The following LNPK variants were observed in gnomAD, a reference collection of about 807,000 sequenced individuals.
LNPK encodes the protein endoplasmic reticulum junction formation protein lunapark.
A neutral mutation model predicts 55.2 loss-of-function variants in LNPK; 29 were observed. The ratio of observed to expected loss-of-function variants is 0.53; its 90% CI spans 0.39 to 0.72. The LOEUF is 0.72. LNPK is among the 30% of genes least tolerant of loss of function. The pLI, the probability that LNPK is intolerant of heterozygous loss-of-function variation, is 0.00. For missense variants in LNPK, 467 were observed against 494.8 expected (o/e 0.94, Z 0.53); for synonymous variants, 162 against 168.2 (o/e 0.96, Z 0.29).
intron 2 of LNPK, among the ~76,000 whole-genome samples, chr2:175,993,799 A>T: frequency 6.6e-6 from 1 of 152,144 alleles, no homozygotes; most frequent in East Asian, 1.9e-4. Flanking sequence ...TCTCAAAAAA[A>T]AAATTAAATT....
chr2:175,966,558 T>C (rs1037805197), intron 6 of LNPK, among the ~76,000 whole-genome samples: 8 of 152,248 alleles, frequency 5.3e-5, no homozygotes, highest in African/African-American at 1.9e-4. Flanking sequence ...AGTATTCAAG[T>C]GTATCTATGT....
chr2:175,925,680 T>TTTTTG lies in LNPK; in HGVS notation c.*4286_*4287insCAAAA, dbSNP rs1157498725. 2 of 155,686 alleles carry TTTTTG rather than the reference T, an allele frequency of 1.3e-5. No individual in the cohort carries two copies. The highest frequency in any genetic ancestry group is 6.5e-5 in the Admixed American group (1 of 15,280). The allele number at this position is 155,686 out of a possible 1,614,324, so 9.6% of individuals were successfully genotyped here. A position where few individuals can be genotyped will look rare whatever the true frequency, so the allele number is the denominator to read the frequency against. On this transcript the variant is annotated 3_prime_UTR_variant, in exon 13 of 13. Coordinates refer to ENST00000272748, the MANE Select transcript of LNPK (RefSeq NM_030650.3). ...CATTTTCTTTCTTTCTTTTTTTTTT[T>TTTTTG]TGAGATGGAGTTTCACTCTTGTTGC...
chr2:175,933,734 T>TTG (rs1559023708), intron 12 of LNPK, among the ~76,000 whole-genome samples: 1 of 147,092 alleles, frequency 6.8e-6, no homozygotes, highest in Non-Finnish European at 1.5e-5. Flanking sequence ...GTTAAGGGTT[T>TTG]TTTTTTTTTT....
chr2:175,929,125 C>T lies in LNPK; in HGVS notation c.*842G>A, dbSNP rs549549377. The T allele has an allele frequency of 1.0e-6, 1 of 984,390 alleles. No homozygotes were observed. Among genetic ancestry groups the T allele is most frequent in the African/African-American group, 1.8e-5 (1 of 57,078 alleles). 61.0% of individuals were successfully genotyped at this position (984,390 alleles called of 1,614,324 possible). On this transcript the variant is annotated 3_prime_UTR_variant, in exon 13 of 13. Coordinates refer to ENST00000272748, the MANE Select transcript of LNPK (RefSeq NM_030650.3). ...GATATTTAGCAAAATGAAACTGATG[C>T]CAGATTATTTTCATTTTCCTTAATA...
chr2:175,930,151 TC>T lies in LNPK; in HGVS notation c.1102del (p.Asp368ThrfsTer12). 6.2e-7 allele frequency: 1 copy of T among 1,613,286 alleles called. No homozygotes were observed. Among genetic ancestry groups the T allele is most frequent in the Non-Finnish European group, 8.5e-7 (1 of 1,179,348 alleles). ...TGTCTGTTCTGTAGCTGGTATTTTG[TC>T]ATCTGTCTGCTCTGTATTATCATCA... ...VLDDNTEQTD[D>X]KIPATEQTNQ... is the part of the protein sequence containing the mutation. On this transcript the variant is annotated frameshift_variant, in exon 13 of 13. Transcript: ENST00000272748. LOFTEE classifies it high-confidence loss of function.
chr2:175,939,844 A>G (rs1369677343), intron 9 of LNPK, 187 bp from the exon 10 acceptor site: 1 of 463,770 alleles, frequency 2.2e-6, no homozygotes, highest in East Asian at 3.4e-5. Flanking sequence ...ACTACAAAAT[A>G]TATTTAAATA....
At chr2:175,975,719 T>A (rs560860463) in intron 5 of LNPK, among the ~76,000 whole-genome samples, 1 of 152,324 alleles carries the variant, frequency 6.6e-6, no homozygotes, top group African/African-American at 2.4e-5. Flanking sequence ...ATTAAGAAAC[T>A]GTAAGGTCCA....
chr2:175,947,458 T>A (rs905751745), intron 9 of LNPK, 22 bp downstream of exon 9: 1 of 1,591,974 alleles, frequency 6.3e-7, no homozygotes, highest in Non-Finnish European at 8.6e-7. Flanking sequence ...AAACTGTAAA[T>A]AACATTAAGT....
intron 6 of LNPK, among the ~76,000 whole-genome samples, chr2:175,968,961 T>A (rs1205292503): frequency 1.3e-5 from 2 of 151,514 alleles, no homozygotes; most frequent in East Asian, 3.9e-4. Context: ...GAGGTCGCAG[T>A]GACCCGAGAT....
intron 4 of LNPK, among the ~76,000 whole-genome samples, chr2:175,986,827 T>C (rs534514219): frequency 6.6e-6 from 1 of 152,182 alleles, no homozygotes; most frequent in East Asian, 1.9e-4. Context: ...AAAGTCAGAA[T>C]AATGCCCAAT....
chr2:175,956,110 T>A (rs1218619571), intron 8 of LNPK, among the ~76,000 whole-genome samples: 2 of 151,712 alleles, frequency 1.3e-5, no homozygotes, highest in Non-Finnish European at 2.9e-5. Flanking sequence ...TGAAACCCCA[T>A]CTCTACAAAA....
chr2:176,002,335 C>G (rs1433448097), upstream of LNPK: 2 of 419,034 alleles, frequency 4.8e-6, no homozygotes, highest in Middle Eastern at 7.7e-4. Context: ...CCGCGGTCGG[C>G]GCGCGCCGCT....
chr2:175,950,615 T>C (rs1308781079), intron 8 of LNPK, among the ~76,000 whole-genome samples: 3 of 152,134 alleles, frequency 2.0e-5, no homozygotes, highest in Non-Finnish European at 2.9e-5. Flanking sequence ...TAAAACAGCA[T>C]AGCTGTGCAA....
rs568266819 is a variant in LNPK, at chr2:175,959,041, A to G, written c.493+5331T>C. 9.2e-5 allele frequency among the ~76,000 whole-genome samples: 14 copies of G among 152,316 alleles called. No homozygotes were observed. In the South Asian group the frequency reaches 1.2e-3, roughly 14 times the overall value. ...AGAAAAGAGTAAAAAGAAATGAACAAAGCATCCAAGAAATATGGGACTATG... is the reference window on the plus strand; with the variant it reads ...AGAAAAGAGTAAAAAGAAATGAACAGAGCATCCAAGAAATATGGGACTATG... On this transcript the variant is annotated intron_variant, in intron 8 of 12. Coordinates refer to ENST00000272748, the MANE Select transcript of LNPK (RefSeq NM_030650.3).
chr2:175,965,781 A>G (rs1281446850), intron 6 of LNPK, among the ~76,000 whole-genome samples: 2 of 136,590 alleles, frequency 1.5e-5, no homozygotes, highest in Non-Finnish European at 3.1e-5. Context: ...GGAGATGTTT[A>G]TAGTATCACT....
intron 2 of LNPK, among the ~76,000 whole-genome samples, chr2:175,995,331 A>G (rs1687882010): frequency 6.6e-6 from 1 of 152,210 alleles, no homozygotes; most frequent in Non-Finnish European, 1.5e-5. Flanking sequence ...AAAATAATTC[A>G]TACATCCAAG....
intron 6 of LNPK, among the ~76,000 whole-genome samples, chr2:175,965,943 G>A (rs1686313447): frequency 6.6e-6 from 1 of 152,212 alleles, no homozygotes; most frequent in African/African-American, 2.4e-5. Context: ...GTGTTGTGCA[G>A]TAAAACTTTA....
intron 4 of LNPK, among the ~76,000 whole-genome samples, chr2:175,990,744 G>A (rs1687666148): frequency 1.3e-5 from 2 of 152,092 alleles, no homozygotes; most frequent in African/African-American, 4.8e-5. Flanking sequence ...ACCGGTCTGT[G>A]CTTCAAAAAG....
intron 12 of LNPK, among the ~76,000 whole-genome samples, chr2:175,932,765 T>C (rs1339251654): frequency 6.6e-6 from 1 of 152,202 alleles, no homozygotes; most frequent in Non-Finnish European, 1.5e-5. Context: ...AAACATACTT[T>C]TTTCATTTTT....
Sources: gnomAD v4.1 joint callset for allele counts (sites outside exome capture counted in the v4.1 genomes callset) on GRCh38, gnomAD v4.1.1 for gene constraint, MANE v1.5 for transcripts, NCBI Gene and HGNC (gene_info 2026-07-23, HGNC 2026-07-21) for gene names.